The following RBFOX1 variants were observed in gnomAD, a reference collection of about 807,000 sequenced individuals.
RBFOX1 encodes the protein RNA binding fox-1 homolog 1.
A neutral mutation model predicts 57.7 loss-of-function variants in RBFOX1; 8 were observed. That is an observed-to-expected ratio of 0.14 (90% CI 0.08 to 0.25). RBFOX1 has a LOEUF of 0.25. Ranked by LOEUF, RBFOX1 falls within the 10% of genes least tolerant of loss-of-function variation. The pLI is 1.00. For synonymous variants in RBFOX1, 326 were observed against 222.4 expected, an observed-to-expected ratio of 1.47 and a Z score of -4.15; for missense variants, 611 against 548.5, an observed-to-expected ratio of 1.11 and a Z score of -1.14.
chr16:7,190,801 T>C (rs1239877474), intron 4 of RBFOX1, among the ~76,000 whole-genome samples: 2 of 152,230 alleles, frequency 1.3e-5, no homozygotes, highest in South Asian at 2.1e-4. Flanking sequence ...GCCATTTCAG[T>C]CATTTTTGGT....
chr16:6,925,175 C>T (rs1354770730), intron 3 of RBFOX1, among the ~76,000 whole-genome samples: 1 of 97,498 alleles, frequency 1.0e-5, no homozygotes, highest in African/African-American at 4.1e-5. Context: ...GCTCTCTTGC[C>T]TAGACTGGAG....
intron 1 of RBFOX1, among the ~76,000 whole-genome samples, chr16:5,290,286 C>T (rs774425960): frequency 4.6e-5 from 7 of 152,072 alleles, no homozygotes; most frequent in Non-Finnish European, 7.4e-5. Context: ...TGCTTGAACC[C>T]GGGAGGCAGA....
chr16:5,837,231 A>C (rs1036194117), intron 3 of RBFOX1, among the ~76,000 whole-genome samples: 1 of 149,072 alleles, frequency 6.7e-6, no homozygotes, highest in Non-Finnish European at 1.5e-5. Flanking sequence ...TCTATATTCC[A>C]GTCCCGCTAG....
At chr16:7,688,221 AT>A (rs2076489662) in intron 14 of RBFOX1, among the ~76,000 whole-genome samples, 1 of 120,944 alleles carries the variant, frequency 8.3e-6, no homozygotes, top group Admixed American at 8.6e-5. Flanking sequence ...GCAGGTTTAA[AT>A]GTGTGTGTGT....
intron 2 of RBFOX1, among the ~76,000 whole-genome samples, chr16:5,528,137 T>G (rs2044315203): frequency 6.6e-6 from 1 of 152,166 alleles, no homozygotes; most frequent in Non-Finnish European, 1.5e-5. Flanking sequence ...CTGAATACTG[T>G]CTATATGCCC....
rs1314498537 is a variant in RBFOX1, at chr16:7,713,095, T to C, written c.*2350T>C. Reference sequence around the variant, plus strand: ...GATGTAAACAAACATTTTGGATTTTTTTTAAACAGTATTTATTTGGAATGT... The same window carrying C: ...GATGTAAACAAACATTTTGGATTTTCTTTAAACAGTATTTATTTGGAATGT... On this transcript the variant is annotated 3_prime_UTR_variant, in exon 16 of 16. Coordinates refer to ENST00000550418, the MANE Select transcript of RBFOX1 (RefSeq NM_018723.4). 5.3e-5 allele frequency: 8 copies of C among 152,244 alleles called. No individual in the cohort carries two copies. The highest frequency in any genetic ancestry group is 1.0e-4 in the Non-Finnish European group (7 of 68,040). The allele number at this position is 152,244 out of a possible 1,614,324, so 9.4% of individuals were successfully genotyped here.
chr16:6,997,538 A>C (rs922584155), intron 3 of RBFOX1, among the ~76,000 whole-genome samples: 2 of 152,304 alleles, frequency 1.3e-5, no homozygotes, highest in Admixed American at 6.5e-5. Context: ...CCAATTTCCC[A>C]CAGAGTTTAA....
intron 2 of RBFOX1, among the ~76,000 whole-genome samples, chr16:5,509,458 C>G (rs1190148699): frequency 6.6e-6 from 1 of 152,168 alleles, no homozygotes; most frequent in African/African-American, 2.4e-5. Flanking sequence ...AATTGTGTCT[C>G]CAATGACAAG....
intron 3 of RBFOX1, among the ~76,000 whole-genome samples, chr16:5,683,305 A>C (rs2050402671): frequency 6.6e-6 from 1 of 152,030 alleles, no homozygotes; most frequent in Admixed American, 6.6e-5. Context: ...TTAACCCCAG[A>C]GCATTTGTAA....
rs146895476 is a variant in RBFOX1 at position 6,076,855 on chromosome 16, A to T, written c.-127+56863A>T. On this transcript the variant is annotated intron_variant, in intron 1 of 15. Coordinates refer to ENST00000550418, the MANE Select transcript of RBFOX1 (RefSeq NM_018723.4). ...TGAGGCCAAAAACGGGAGCAGAAAC[A>T]GTTGGCACTCAGTGAGTAGGCTCCA... Among the ~76,000 whole-genome samples, 92 of 152,290 alleles carry T rather than the reference A, an allele frequency of 6.0e-4. 1 individual carries two copies. The East Asian group carries it at 0.017, about 28-fold the overall frequency.
chr16:7,390,801 T>C (rs1426856156), intron 4 of RBFOX1, among the ~76,000 whole-genome samples: 3 of 152,326 alleles, frequency 2.0e-5, no homozygotes, highest in East Asian at 3.9e-4. Flanking sequence ...TATAAGAATA[T>C]GAATGTGCTT....
chr16:7,259,819 G>C (rs1412813371), intron 4 of RBFOX1, among the ~76,000 whole-genome samples: 1 of 152,080 alleles, frequency 6.6e-6, no homozygotes, highest in Non-Finnish European at 1.5e-5. Flanking sequence ...TCTCCAGAAA[G>C]GATAATTTTA....
intron 2 of RBFOX1, among the ~76,000 whole-genome samples, chr16:5,501,194 T>C (rs1035023105): frequency 7.9e-5 from 12 of 151,474 alleles, no homozygotes; most frequent in African/African-American, 2.9e-4. Flanking sequence ...GGTGGGTGCC[T>C]GTAATCCCAG....
chr16:6,315,354 ATGGG>A (rs1292402289), intron 1 of RBFOX1, among the ~76,000 whole-genome samples: 1 of 144,512 alleles, frequency 6.9e-6, no homozygotes, highest in African/African-American at 2.6e-5. Flanking sequence ...GGATGGATGA[ATGGG>A]TGGGTGGATG....
intron 4 of RBFOX1, among the ~76,000 whole-genome samples, chr16:7,374,527 C>G (rs566518459): frequency 1.3e-5 from 2 of 152,124 alleles, no homozygotes; most frequent in Admixed American, 6.5e-5. Context: ...GCTTTTTACT[C>G]AAGGAATCTA....
intron 14 of RBFOX1, among the ~76,000 whole-genome samples, chr16:7,705,106 G>C (rs750261869): frequency 1.1e-4 from 17 of 151,768 alleles, no homozygotes; most frequent in Non-Finnish European, 1.9e-4. Context: ...ATCTCTCTAG[G>C]GAAGGGACAT....
chr16:6,852,751 G>T (rs911353997), intron 3 of RBFOX1, among the ~76,000 whole-genome samples: 1 of 152,060 alleles, frequency 6.6e-6, no homozygotes, highest in Non-Finnish European at 1.5e-5. Context: ...TAGGTGAGAT[G>T]CATGCTGGGA....
intron 2 of RBFOX1, among the ~76,000 whole-genome samples, chr16:6,654,318 C>A (rs1217945684): frequency 6.6e-6 from 1 of 152,180 alleles, no homozygotes; most frequent in Non-Finnish European, 1.5e-5. Context: ...ATTTTATGAG[C>A]TATCAGTTCC....
intron 2 of RBFOX1, among the ~76,000 whole-genome samples, chr16:6,367,748 T>TAAAA (rs566126562): frequency 0.046 from 6,644 of 143,654 alleles, 202 homozygotes; most frequent in Non-Finnish European, 0.061. Context: ...TTGCAATTGT[T>TAAAA]AAAAAAAAAA....
Sources: gnomAD v4.1 joint callset for allele counts (sites outside exome capture counted in the v4.1 genomes callset) on GRCh38, gnomAD v4.1.1 for gene constraint, MANE v1.5 for transcripts, NCBI Gene and HGNC (gene_info 2026-07-23, HGNC 2026-07-21) for gene names.